The following SIDT2 variants were observed in gnomAD, a reference collection of about 807,000 sequenced individuals.
The protein encoded by SIDT2 is SID1 transmembrane family, member 2.
Under a neutral mutation model 114.4 loss-of-function variants are expected in SIDT2, and 68 were observed. The observed-to-expected ratio is 0.59, with a 90% CI of 0.49 to 0.73. The LOEUF (loss-of-function observed/expected upper bound fraction) is 0.73, where lower values mean the gene tolerates loss of function less well. Ranked by LOEUF, SIDT2 falls within the 30% of genes least tolerant of loss-of-function variation. The pLI, the probability that SIDT2 is intolerant of heterozygous loss-of-function variation, is 0.00. For missense variants in SIDT2, 918 were observed against 1,097.1 expected, an observed-to-expected ratio of 0.84 and a Z score of 2.31; for synonymous variants, 470 against 438.4, an observed-to-expected ratio of 1.07 and a Z score of -0.90.
chr11:117,190,169 CT>C lies in SIDT2; in HGVS notation c.1499del (p.Phe500SerfsTer58). ...CAHPLGNLSA[F>X]NNILSNLGYI... is the part of the protein sequence containing the mutation. ...TGCCTTGTGTTGCCCCTTCTAGCGC[CT>C]TCAACAACATCCTCAGCAACCTGGG... On this transcript the variant is annotated frameshift_variant, in exon 17 of 26. Transcript: ENST00000324225. LOFTEE classifies it high-confidence loss of function. This position sits in a 1 kb window ranked among gnomAD's most constrained non-coding sequence, Gnocchi z 4.1. 1.3e-6 allele frequency: 2 copies of C among 1,582,764 alleles called. No individual in the cohort carries two copies. Among genetic ancestry groups the C allele is most frequent in the South Asian group, 1.2e-5 (1 of 86,260 alleles).
chr11:117,187,741 G>C, intron 12 of SIDT2, 42 bp downstream of exon 12: 1 of 1,594,520 alleles, frequency 6.3e-7, no homozygotes, highest in Non-Finnish European at 8.6e-7. Flanking sequence ...GTGCAGGACG[G>C]TGTTGTCTGG....
intron 4 of SIDT2, 62 bp from the exon 5 acceptor site, chr11:117,182,457 C>A (rs2030327174): frequency 1.5e-5 from 22 of 1,469,704 alleles, no homozygotes; most frequent in Non-Finnish European, 2.1e-5. Flanking sequence ...CTATTCCCTT[C>A]TAGAGGGGCC....
Position 117,187,648 on chromosome 11 carries a change from G to C in SIDT2, c.1108G>C (p.Asp370His). Reference sequence around the variant, plus strand: ...CACAGAGAATGTTTCTGGATCTACCGATGGTCTGGTTGACAGCGCTGGCAC... The same window carrying C: ...CACAGAGAATGTTTCTGGATCTACCCATGGTCTGGTTGACAGCGCTGGCAC... Reference protein sequence around the residue: ...GSFENVSGSTDGLVDSAGTGD... With the variant: ...GSFENVSGSTHGLVDSAGTGD... Residue 370 changes from aspartate to histidine, a missense_variant, in exon 12 of 26, where the codon GAT (aspartate) becomes CAT (histidine). Physicochemically the swap from Asp to His is moderately conservative, Grantham distance 81. Coordinates refer to ENST00000324225, the MANE Select transcript of SIDT2 (RefSeq NM_001040455.2). The C allele has an allele frequency of 6.2e-7, 1 of 1,614,092 alleles. No homozygotes were observed. The highest frequency in any genetic ancestry group is 1.1e-5 in the South Asian group (1 of 91,068).
chr11:117,182,400 T>C, intron 4 of SIDT2, 119 bp from the exon 5 acceptor site: 1 of 901,194 alleles, frequency 1.1e-6, no homozygotes, highest in South Asian at 1.5e-5. Context: ...TCGGAGAGCC[T>C]CCACTGCCCA....
intron 8 of SIDT2, among the ~76,000 whole-genome samples, chr11:117,185,738 C>T (rs1238722859): frequency 6.6e-6 from 1 of 151,814 alleles, no homozygotes; most frequent in Non-Finnish European, 1.5e-5. Context: ...ATGAGCCAGG[C>T]GTGGTGGCAC....
rs758584609 is a variant in SIDT2 at position 117,181,950 on chromosome 11, G to T, written c.449G>T (p.Arg150Leu). Residue 150 changes from arginine to leucine, a missense_variant, in exon 3 of 26, where the codon CGC becomes CTC. Physicochemically the swap from Arg to Leu is moderately radical, Grantham distance 102. Around this residue, in one of 4 missense-constraint regions of SIDT2, gnomAD observed 553 missense variants for 600.1 expected, o/e 0.92. Transcript: ENST00000324225. ...VNTTYQLRVSRMDDFVLRTGE... is the reference protein window; with the variant it reads ...VNTTYQLRVSLMDDFVLRTGE... ...ACCACATACCAGCTCCGGGTCAGCC[G>T]CATGGACGATTTTGTGCTCAGGTCT... The T allele has an allele frequency of 1.5e-5, 25 of 1,614,120 alleles. No homozygotes were observed. The highest frequency in any genetic ancestry group is 2.0e-5 in the Non-Finnish European group (24 of 1,180,034).
Position 117,193,840 on chromosome 11 carries a change from T to C in SIDT2, c.2212-13T>C, listed in dbSNP as rs1555038047. The C allele has an allele frequency of 6.8e-6, 11 of 1,606,206 alleles. No individual in the cohort carries two copies. The highest frequency in any genetic ancestry group is 1.1e-5 in the South Asian group (1 of 90,914). ...AAGCCCTCAGACTGCTGTCCCTGCC[T>C]GGCCCCTCCCAGCTCCGGAGTGGGG... On this transcript the variant is annotated splice_polypyrimidine_tract_variant and intron_variant, in intron 23 of 25. Transcript: ENST00000324225.
At chr11:117,193,679 A>G (rs1391862458) in intron 23 of SIDT2, among the ~76,000 whole-genome samples, 174 bp from the exon 24 acceptor site, 2 of 151,726 alleles carry the variant, frequency 1.3e-5, no homozygotes, top group South Asian at 2.1e-4. Context: ...TGGGGTGGAC[A>G]TCGGGGTGGG....
rs770672723 is a variant in SIDT2, at chr11:117,196,867, C to G, written c.*801C>G. 6.5e-6 allele frequency: 1 copy of G among 152,834 alleles called. No homozygotes were observed. The highest frequency in any genetic ancestry group is 1.5e-5 in the Non-Finnish European group (1 of 68,142). The allele number at this position is 152,834 out of a possible 1,614,324, so 9.5% of individuals were successfully genotyped here. On this transcript the variant is annotated 3_prime_UTR_variant, in exon 26 of 26. Coordinates refer to ENST00000324225, the MANE Select transcript of SIDT2 (RefSeq NM_001040455.2). The surrounding 1 kb of genome is among the most constrained non-coding windows in gnomAD (Gnocchi z 4.9). ...GCCTCACCCCTTCCCTTCCTTCTTT[C>G]CAGGCCCTTAGTCTTGCCAAACCCC...
chr11:117,193,780 A>T (rs1191798300), intron 23 of SIDT2, 73 bp from the exon 24 acceptor site: 3 of 1,114,434 alleles, frequency 2.7e-6, no homozygotes, highest in Non-Finnish European at 4.1e-6. Context: ...GGAATCTGGG[A>T]AAGGCTGGGT....
At chr11:117,186,840 T>G in intron 10 of SIDT2, 1 of 1,018,998 alleles carries the variant, frequency 9.8e-7, no homozygotes, top group Non-Finnish European at 1.5e-6. Flanking sequence ...GCTGAGGTGT[T>G]GCTTGGTTTA....
chr11:117,194,045 C>T (rs2030800666), intron 24 of SIDT2, 82 bp downstream of exon 24: 2 of 1,132,626 alleles, frequency 1.8e-6, no homozygotes, highest in South Asian at 2.7e-5. Flanking sequence ...CCTGGGATTA[C>T]CTGTAATCCC....
In SIDT2 at chr11:117,194,119, A is replaced by G. The variant is rs541957309; in HGVS notation, c.2322+156A>G. 1.9e-5 allele frequency: 11 copies of G among 578,932 alleles called. No individual in the cohort carries two copies. In the East Asian group the frequency reaches 3.2e-4, roughly 17 times the overall value. 35.9% of individuals were successfully genotyped at this position (578,932 alleles called of 1,614,324 possible). A position where few individuals can be genotyped will look rare whatever the true frequency, so the allele number is the denominator to read the frequency against. On this transcript the variant is annotated intron_variant, in intron 24 of 25. Transcript: ENST00000324225. ...CGTTCAAGACCAGCCTGGGCAATATAGTAAGAACCCGTCTCTACAAAAAAT... is the reference window on the plus strand; with the variant it reads ...CGTTCAAGACCAGCCTGGGCAATATGGTAAGAACCCGTCTCTACAAAAAAT...
intron 10 of SIDT2, chr11:117,187,060 C>T: frequency 6.9e-7 from 1 of 1,457,948 alleles, no homozygotes; most frequent in Non-Finnish European, 9.1e-7. Flanking sequence ...AGGGAGGGTG[C>T]AGCACAGGGC....
intron 8 of SIDT2, among the ~76,000 whole-genome samples, chr11:117,185,757 A>C (rs998109827): frequency 6.6e-6 from 1 of 151,618 alleles, no homozygotes. Flanking sequence ...ACACATCTGT[A>C]GTCCCAGCTA....
intron 15 of SIDT2, chr11:117,189,639 G>A (rs1565287594): frequency 1.7e-6 from 1 of 605,504 alleles, no homozygotes; most frequent in East Asian, 2.8e-5. Context: ...CTGGTTTCTT[G>A]TGCGGATTAT....
chr11:117,179,407 C>G lies in SIDT2; in HGVS notation c.144C>G (p.Val48=), dbSNP rs775696119. ...TYVDEVNSEL[V]NIYTFNHTVT... ...TGGACGAGGTCAACAGCGAGCTGGT[C>G]AACATCTACACCTTCAACCATACTG... Residue 48 remains valine, a synonymous_variant, in exon 1 of 26, where the codon GTC becomes GTG. Coordinates refer to ENST00000324225, the MANE Select transcript of SIDT2 (RefSeq NM_001040455.2). 19 of 1,614,086 alleles carry G rather than the reference C, an allele frequency of 1.2e-5. No homozygotes were observed. Among genetic ancestry groups the G allele is most frequent in the Non-Finnish European group, 1.5e-5 (18 of 1,180,030 alleles).
In SIDT2 at chr11:117,192,964, G is replaced by C. The variant is rs2030758342; in HGVS notation, c.2105+98G>C. ...GGGCTAAGGACAACTTCCAAATGTT[G>C]GGCATAAGACATGGGGGCTAAGAGA... On this transcript the variant is annotated intron_variant, in intron 22 of 25. Transcript: ENST00000324225. This position sits in a 1 kb window ranked among gnomAD's most constrained non-coding sequence, Gnocchi z 5.9. The C allele has an allele frequency of 1.5e-5, 23 of 1,509,236 alleles. No individual in the cohort carries two copies. Among genetic ancestry groups the C allele is most frequent in the Non-Finnish European group, 7.4e-6 (8 of 1,084,876 alleles). 93.5% of individuals were successfully genotyped at this position (1,509,236 alleles called of 1,614,324 possible). A position where few individuals can be genotyped will look rare whatever the true frequency, so the allele number is the denominator to read the frequency against.
chr11:117,194,209 G>A (rs1043690858), intron 24 of SIDT2: 5 of 378,708 alleles, frequency 1.3e-5, no homozygotes, highest in South Asian at 6.7e-5. Flanking sequence ...TAGCTACCTC[G>A]GAAGCGGAGG....
Sources: allele counts gnomAD v4.1 joint callset (sites outside exome capture counted in the v4.1 genomes callset), GRCh38; gene constraint gnomAD v4.1.1; regional missense constraint gnomAD v4.1.1; non-coding constraint Gnocchi (gnomAD v3.1); transcripts MANE v1.5; gene names NCBI Gene and HGNC (gene_info 2026-07-23, HGNC 2026-07-21).